Variants in MYH15 observed in about 807,000 individuals in gnomAD.
The protein encoded by MYH15 is myosin heavy chain 15, also known as myosin-15.
A neutral mutation model predicts 240.5 loss-of-function variants in MYH15; 227 were observed. That is an observed-to-expected ratio of 0.94 (90% CI 0.85 to 1.05). The LOEUF (loss-of-function observed/expected upper bound fraction) is 1.05, where lower values mean the gene tolerates loss of function less well. Ranked by LOEUF, MYH15 falls within the 50% of genes least tolerant of loss-of-function variation. The pLI is 0.00. For missense variants in MYH15, 2,217 were observed against 2,247.5 expected (o/e 0.99, Z 0.27); for synonymous variants, 785 against 796.7 (o/e 0.99, Z 0.25).
At position 108,499,498 on chromosome 3, in the gene MYH15, A is replaced by T. The variant is rs1441534980; in HGVS notation, c.497-16T>A. The T allele has an allele frequency of 2.5e-6, 4 of 1,610,646 alleles. No individual in the cohort carries two copies. Among genetic ancestry groups the T allele is most frequent in the Non-Finnish European group, 3.4e-6 (4 of 1,177,554 alleles). On this transcript the variant is annotated splice_polypyrimidine_tract_variant and intron_variant, in intron 4 of 40. Coordinates refer to ENST00000693548, the MANE Select transcript of MYH15 (RefSeq NM_014981.3). ...TTTTCTCGATCTACAAAAGAAAGAAAAATGCCAGAATATTCTTATATTCGA... is the reference window on the plus strand; with the variant it reads ...TTTTCTCGATCTACAAAAGAAAGAATAATGCCAGAATATTCTTATATTCGA...
chr3:108,502,400 T>C (rs374436965), intron 2 of MYH15, among the ~76,000 whole-genome samples: 15 of 152,198 alleles, frequency 9.9e-5, no homozygotes, highest in Non-Finnish European at 1.9e-4. Context: ...ATTTTAATAA[T>C]TGACTATGTT....
intron 27 of MYH15, among the ~76,000 whole-genome samples, chr3:108,427,561 T>A (rs899836012): frequency 1.3e-5 from 2 of 151,682 alleles, no homozygotes; most frequent in Non-Finnish European, 2.9e-5. Flanking sequence ...AATTACCCAG[T>A]CTGTGGTATT....
chr3:108,410,149 T>C (rs932857740), intron 31 of MYH15, among the ~76,000 whole-genome samples: 1 of 152,192 alleles, frequency 6.6e-6, no homozygotes, highest in African/African-American at 2.4e-5. Flanking sequence ...TAGACTATTC[T>C]GAAAATTTAA....
chr3:108,444,112 T>C (rs9834354), intron 22 of MYH15, among the ~76,000 whole-genome samples: 118,502 of 150,552 alleles, frequency 0.79, 46,897 homozygotes, highest in African/African-American at 0.85. Flanking sequence ...CTAACCTGCA[T>C]ATTGTGCACA....
At chr3:108,466,391 T>C (rs954912422) in intron 14 of MYH15, among the ~76,000 whole-genome samples, 11 of 152,190 alleles carry the variant, frequency 7.2e-5, no homozygotes, top group African/African-American at 2.4e-5. Context: ...AAACTATTTA[T>C]AAAAAATGCT....
chr3:108,394,908 G>A (rs752878045), intron 35 of MYH15, among the ~76,000 whole-genome samples: 7 of 152,118 alleles, frequency 4.6e-5, no homozygotes, highest in African/African-American at 1.2e-4. Context: ...CACTTTATCC[G>A]TTTCACATTC....
intron 3 of MYH15, among the ~76,000 whole-genome samples, chr3:108,501,167 T>A (rs991857140): frequency 6.6e-6 from 1 of 152,202 alleles, no homozygotes; most frequent in African/African-American, 2.4e-5. Flanking sequence ...ATGGCTCCTA[T>A]GGCCATGGGT....
chr3:108,390,012 G>A (rs1282249915), intron 37 of MYH15, among the ~76,000 whole-genome samples: 1 of 152,176 alleles, frequency 6.6e-6, no homozygotes, highest in East Asian at 1.9e-4. Flanking sequence ...GGGAGCAAGT[G>A]TGAGACTTCC....
At chr3:108,491,308 T>G (rs2083345762) in intron 9 of MYH15, among the ~76,000 whole-genome samples, 1 of 152,226 alleles carries the variant, frequency 6.6e-6, no homozygotes, top group Non-Finnish European at 1.5e-5. Flanking sequence ...AAGCAGTGCC[T>G]GGTGTACACA....
At chr3:108,393,333 C>T (rs1290295030) in intron 36 of MYH15, among the ~76,000 whole-genome samples, 1 of 152,154 alleles carries the variant, frequency 6.6e-6, no homozygotes, top group African/African-American at 2.4e-5. Flanking sequence ...GCTGAATCTG[C>T]CACACACAAA....
intron 24 of MYH15, among the ~76,000 whole-genome samples, 160 bp from the exon 25 acceptor site, chr3:108,437,859 T>C (rs1246504471): frequency 6.6e-6 from 1 of 152,184 alleles, no homozygotes; most frequent in Non-Finnish European, 1.5e-5. Flanking sequence ...ATATTGCATA[T>C]GTCAATAGGT....
upstream of MYH15, among the ~76,000 whole-genome samples, chr3:108,514,141 G>C (rs2083542603): frequency 6.6e-6 from 1 of 152,100 alleles, no homozygotes; most frequent in African/African-American, 2.4e-5. Flanking sequence ...AAATATGTTT[G>C]AACAGCTGCC....
In MYH15 at chr3:108,504,199, T is replaced by A. The variant is rs111687939; in HGVS notation, c.195+1524A>T. On this transcript the variant is annotated intron_variant, in intron 2 of 40. Transcript: ENST00000693548. ...ATGGGCACAAGATTTCTTTGGGGGA[T>A]CTTTTCTAATAAAATATTGTCCCAA... Among the ~76,000 whole-genome samples, 428 of 152,324 alleles carry A rather than the reference T, an allele frequency of 2.8e-3. 2 individuals are homozygous for A. Among genetic ancestry groups the A allele is most frequent in the African/African-American group, 9.6e-3 (401 of 41,564 alleles).
chr3:108,481,302 G>A (rs766199966), intron 11 of MYH15, among the ~76,000 whole-genome samples: 9 of 152,212 alleles, frequency 5.9e-5, no homozygotes, highest in Non-Finnish European at 1.2e-4. Context: ...GAGTAGGTAG[G>A]GTTCACTTAA....
At position 108,485,231 on chromosome 3, in the gene MYH15, T is replaced by C; in HGVS notation, c.976-2A>G. 1 of 1,613,714 alleles carries C rather than the reference T, an allele frequency of 6.2e-7. No homozygotes were observed. Among genetic ancestry groups the C allele is most frequent in the Non-Finnish European group, 8.5e-7 (1 of 1,179,850 alleles). On this transcript the variant is annotated splice_acceptor_variant, in intron 10 of 40. Coordinates refer to ENST00000693548, the MANE Select transcript of MYH15 (RefSeq NM_014981.3). LOFTEE classifies it high-confidence loss of function. ...AAAGCCCAAGATGTCCATGGCTTGC[T>C]GTAAAAAGAGAAACAGATGGCCCTG...
At chr3:108,497,376 G>A (rs1560429691) in intron 6 of MYH15, among the ~76,000 whole-genome samples, 1 of 151,888 alleles carries the variant, frequency 6.6e-6, no homozygotes, top group Non-Finnish European at 1.5e-5. Context: ...AAAAATGAGA[G>A]GTCTAACAGC....
chr3:108,402,719 T>C (rs905989772), intron 33 of MYH15, among the ~76,000 whole-genome samples: 5 of 152,350 alleles, frequency 3.3e-5, no homozygotes, highest in Middle Eastern at 3.4e-3. Context: ...AGAAAGACCA[T>C]GGCTGTGGAC....
In MYH15 at chr3:108,436,231, G is replaced by A. The variant is rs112564179; in HGVS notation, c.3221+1323C>T. 1.5e-3 allele frequency among the ~76,000 whole-genome samples: 229 copies of A among 152,208 alleles called. 1 individual carries two copies. Among genetic ancestry groups the A allele is most frequent in the African/African-American group, 5.3e-3 (222 of 41,514 alleles). On this transcript the variant is annotated intron_variant, in intron 25 of 40. Transcript: ENST00000693548. ...AAAACTCTTGACCTGTGGCCTACACGACATACAGTATCATTTACACTTTGC... is the reference window on the plus strand; with the variant it reads ...AAAACTCTTGACCTGTGGCCTACACAACATACAGTATCATTTACACTTTGC...
At chr3:108,476,588 C>T (rs959029152) in intron 11 of MYH15, 73 bp from the exon 12 acceptor site, 1 of 959,220 alleles carries the variant, frequency 1.0e-6, no homozygotes, top group East Asian at 2.5e-5. Context: ...TATAGCCAAA[C>T]TAACTACCCA....
Sources: gnomAD v4.1 joint callset for allele counts (sites outside exome capture counted in the v4.1 genomes callset) on GRCh38, gnomAD v4.1.1 for gene constraint, MANE v1.5 for transcripts, NCBI Gene and HGNC (gene_info 2026-07-23, HGNC 2026-07-21) for gene names.